Variants in ATG7 observed in about 807,000 individuals in gnomAD.
ATG7 encodes the protein ubiquitin-like modifier-activating enzyme ATG7.
In ATG7, 70 loss-of-function variants were observed where a neutral mutation model predicts 82.4. That is an observed-to-expected ratio of 0.85 (90% confidence interval 0.70 to 1.04). ATG7 has a LOEUF of 1.04. Among genes scored for constraint, ATG7 ranks in the 50% least tolerant of loss-of-function variants. The probability of loss-of-function intolerance (pLI) is 0.00; values close to 1 mark genes in which losing one functional copy is unlikely to be tolerated. For missense variants in ATG7, 792 were observed against 864.3 expected (o/e 0.92, Z 1.05); for synonymous variants, 287 against 313.0 (o/e 0.92, Z 0.88).
In ATG7 at chr3:11,392,236, T is replaced by C. The variant is rs2078871185; in HGVS notation, c.1956+12184T>C. On this transcript the variant is annotated intron_variant, in intron 19 of 20. Transcript: ENST00000693202. ...TGACAAACATAGTTCATCTCCCATT[T>C]TGGTTAATTCTCAGCTTAAGTATTT... is the stretch of plus-strand genomic sequence containing the variant. Among the ~76,000 whole-genome samples the C allele has an allele frequency of 2.6e-5, 4 of 152,136 alleles. No individual in the cohort carries two copies. The South Asian group carries it at 8.3e-4, about 32-fold the overall frequency.
intron 14 of ATG7, among the ~76,000 whole-genome samples, chr3:11,355,536 T>C (rs1412362891): frequency 6.6e-6 from 1 of 152,126 alleles, no homozygotes; most frequent in Non-Finnish European, 1.5e-5. Context: ...GCAACTTGTT[T>C]TTAAGGGGGA....
chr3:11,518,863 A>G (rs970872034), intron 20 of ATG7, among the ~76,000 whole-genome samples: 5 of 152,204 alleles, frequency 3.3e-5, no homozygotes, highest in Admixed American at 1.3e-4. Flanking sequence ...AAGATAAACA[A>G]TCTTAATCTC....
At chr3:11,561,613 G>C (rs919998013), downstream of ATG7, among the ~76,000 whole-genome samples, 1 of 152,194 alleles carries the variant, frequency 6.6e-6, no homozygotes, top group African/African-American at 2.4e-5. Context: ...CGTCCACCTA[G>C]AACGGGCCCC....
chr3:11,383,909 G>A (rs925307597), intron 19 of ATG7, among the ~76,000 whole-genome samples: 1 of 152,248 alleles, frequency 6.6e-6, no homozygotes, highest in East Asian at 1.9e-4. Flanking sequence ...ATGGTGAAAT[G>A]TATGAATCTT....
intron 14 of ATG7, among the ~76,000 whole-genome samples, chr3:11,354,737 C>T (rs989152989): frequency 9.2e-5 from 14 of 151,818 alleles, no homozygotes; most frequent in Admixed American, 6.6e-4. Flanking sequence ...TCTGCTTCAA[C>T]CCTAATGAGT....
At chr3:11,504,258 T>C (rs535921995) in intron 20 of ATG7, among the ~76,000 whole-genome samples, 2 of 152,118 alleles carry the variant, frequency 1.3e-5, no homozygotes, top group African/African-American at 4.8e-5. Flanking sequence ...TTTCAAACAA[T>C]AAAGGGAAAT....
intron 20 of ATG7, among the ~76,000 whole-genome samples, chr3:11,480,525 A>G (rs530439716): frequency 6.6e-6 from 1 of 152,244 alleles, no homozygotes; most frequent in East Asian, 1.9e-4. Flanking sequence ...CCATGATCAC[A>G]TGACTGCCCT....
intron 20 of ATG7, among the ~76,000 whole-genome samples, chr3:11,453,511 G>A (rs570163804): frequency 7.2e-5 from 11 of 152,122 alleles, no homozygotes; most frequent in African/African-American, 2.7e-4. Context: ...AGAAGTAGGC[G>A]GGAGGAAGCT....
chr3:11,378,231 G>A (rs1162404406), intron 18 of ATG7, among the ~76,000 whole-genome samples: 1 of 149,370 alleles, frequency 6.7e-6, no homozygotes, highest in Non-Finnish European at 1.5e-5. Flanking sequence ...TGTCCAGGCT[G>A]GTCTCAAACT....
Position 11,554,871 on chromosome 3 carries a change from C to T in ATG7, c.*28C>T. 1 of 1,610,368 alleles carries T rather than the reference C, an allele frequency of 6.2e-7. No individual in the cohort carries two copies. The highest frequency in any genetic ancestry group is 8.5e-7 in the Non-Finnish European group (1 of 1,178,964). On this transcript the variant is annotated 3_prime_UTR_variant, in exon 21 of 21. Transcript: ENST00000693202. ...TGGCCCCGCTGTGGGGCTGACTTCT[C>T]CCCGGCCGCCTGCTGAGGAGCTCTC...
intron 19 of ATG7, among the ~76,000 whole-genome samples, chr3:11,394,077 C>T (rs190991080): frequency 1.5e-3 from 224 of 152,294 alleles, no homozygotes; most frequent in South Asian, 2.7e-3. Context: ...ATACACAAAT[C>T]GTTGTCCAGG....
At chr3:11,304,271 A>G (rs1947345525) in intron 5 of ATG7, among the ~76,000 whole-genome samples, 1 of 152,162 alleles carries the variant, frequency 6.6e-6, no homozygotes, top group Non-Finnish European at 1.5e-5. Flanking sequence ...ACCAGCACCC[A>G]ACACAGATCT....
chr3:11,300,801 A>G (rs77715734), intron 5 of ATG7, among the ~76,000 whole-genome samples: 3,093 of 152,292 alleles, frequency 0.02, 104 homozygotes, highest in African/African-American at 0.068. Context: ...GAGATATTCA[A>G]CACTTTATTA....
intron 1 of ATG7, among the ~76,000 whole-genome samples, chr3:11,279,851 C>T (rs1942692222): frequency 1.3e-5 from 2 of 152,048 alleles, no homozygotes; most frequent in Admixed American, 6.6e-5. Flanking sequence ...TTTGTTTTAC[C>T]TCCAAATTGC....
At position 11,332,983 on chromosome 3, in the gene ATG7, T is replaced by A; in HGVS notation, c.779T>A (p.Phe260Tyr). 1 of 1,546,786 alleles carries A rather than the reference T, an allele frequency of 6.5e-7. No homozygotes were observed. The highest frequency in any genetic ancestry group is 8.7e-7 in the Non-Finnish European group (1 of 1,147,392). Reference protein sequence around the residue: ...VLAAHRWSSSFQSVEVVCFRD... With the variant: ...VLAAHRWSSSYQSVEVVCFRD... ...GGGCATGACAACAGGAGTAGCAGTT[T>A]CCAGTCTGTTGAAGTTGTTTGCTTC... The change falls in exon 11 of 21, where the codon TTC becomes TAC. Residue 260 changes from phenylalanine to tyrosine, a missense_variant. Physicochemically the swap from Phe to Tyr is conservative, Grantham distance 22. Transcript: ENST00000693202.
intron 20 of ATG7, among the ~76,000 whole-genome samples, chr3:11,447,892 C>G (rs1379872576): frequency 6.6e-6 from 1 of 152,180 alleles, no homozygotes; most frequent in African/African-American, 2.4e-5. Context: ...GATGGTCCTC[C>G]TCAACAAACT....
At chr3:11,434,010 C>T (rs1277219576) in intron 20 of ATG7, among the ~76,000 whole-genome samples, 1 of 152,174 alleles carries the variant, frequency 6.6e-6, no homozygotes, top group Non-Finnish European at 1.5e-5. Context: ...CCATTTCTCT[C>T]ATAGCCAAAA....
intron 20 of ATG7, among the ~76,000 whole-genome samples, chr3:11,490,163 G>T (rs2090194793): frequency 6.6e-6 from 1 of 152,158 alleles, no homozygotes; most frequent in African/African-American, 2.4e-5. Context: ...AGGTGCTCCT[G>T]TATTGGGTGC....
chr3:11,431,963 C>G (rs9861633), intron 20 of ATG7, among the ~76,000 whole-genome samples: 77,738 of 152,044 alleles, frequency 0.51, 20,803 homozygotes, highest in East Asian at 0.68. Context: ...CACTCATCCC[C>G]TGTCCATCAG....
Sources: allele counts gnomAD v4.1 joint callset (sites outside exome capture counted in the v4.1 genomes callset), GRCh38; gene constraint gnomAD v4.1.1; transcripts MANE v1.5; gene names NCBI Gene and HGNC (gene_info 2026-07-23, HGNC 2026-07-21).